ADGRL3: variants seen among roughly 807,000 people sequenced by gnomAD.
ADGRL3 encodes calcium-independent alpha-latrotoxin receptor 3.
Under a neutral mutation model 153.5 loss-of-function variants are expected in ADGRL3, and 62 were observed. The observed-to-expected ratio is 0.40, with a 90% CI of 0.33 to 0.50. ADGRL3 has a LOEUF of 0.50. ADGRL3 is among the 20% of genes least tolerant of loss of function. The pLI, the probability that ADGRL3 is intolerant of heterozygous loss-of-function variation, is 0.47. For synonymous variants in ADGRL3, 710 were observed against 672.5 expected (o/e 1.06, Z -0.86); for missense variants, 1,641 against 1,859.4 (o/e 0.88, Z 2.16).
intron 11 of ADGRL3, among the ~76,000 whole-genome samples, chr4:61,898,844 T>G (rs1157875588): frequency 1.3e-5 from 2 of 152,114 alleles, no homozygotes; most frequent in Non-Finnish European, 2.9e-5. Flanking sequence ...CTCAAACTCC[T>G]GAGCTCAGGC....
intron 1 of ADGRL3, among the ~76,000 whole-genome samples, chr4:61,229,644 A>T (rs1177508215): frequency 6.6e-6 from 1 of 152,142 alleles, no homozygotes; most frequent in Non-Finnish European, 1.5e-5. Context: ...TAGGCTGGGC[A>T]TGGTGGCTTA....
In ADGRL3 at chr4:61,695,844, C is replaced by T. The variant is rs548814538; in HGVS notation, c.583+18909C>T. On this transcript the variant is annotated intron_variant, in intron 6 of 26. Coordinates refer to ENST00000683033, the MANE Select transcript of ADGRL3 (RefSeq NM_001387552.1). ...ATCTCTGAATAACTTGCTGCAGCCT[C>T]TCCATCAGAATTTGCTGCTTCATTT... Among the ~76,000 whole-genome samples the T allele has an allele frequency of 2.6e-5, 4 of 152,264 alleles. No homozygotes were observed. The South Asian group carries it at 8.3e-4, about 32-fold the overall frequency.
chr4:61,243,249 A>T (rs961209988), intron 1 of ADGRL3, among the ~76,000 whole-genome samples: 6 of 152,206 alleles, frequency 3.9e-5, no homozygotes, highest in Admixed American at 1.3e-4. Flanking sequence ...TATTAATAGT[A>T]GATCTCAGTT....
rs144692519 is a variant in ADGRL3 at position 61,622,993 on chromosome 4, G to A, written c.473+35553G>A. Among the ~76,000 whole-genome samples the A allele has an allele frequency of 1.9e-3, 296 of 152,036 alleles. 2 individuals are homozygous for A. Among genetic ancestry groups the A allele is most frequent in the African/African-American group, 6.6e-3 (275 of 41,478 alleles). ...TTTTTTTATTTCAGAGGGAAACAAC[G>A]TTCAAAAAATTAATGTTCTAGAGGT... is the stretch of plus-strand genomic sequence containing the variant. On this transcript the variant is annotated intron_variant, in intron 5 of 26. Coordinates refer to ENST00000683033, the MANE Select transcript of ADGRL3 (RefSeq NM_001387552.1).
chr4:62,025,165 A>AATC (rs1477779138), intron 21 of ADGRL3, among the ~76,000 whole-genome samples: 19 of 152,266 alleles, frequency 1.2e-4, no homozygotes, highest in African/African-American at 4.3e-4. Context: ...TCTGCTCACT[A>AATC]ATCTAGCTAT....
chr4:61,291,164 G>T (rs2094164163), intron 1 of ADGRL3, among the ~76,000 whole-genome samples: 2 of 132,090 alleles, frequency 1.5e-5, no homozygotes, highest in South Asian at 5.0e-4. Context: ...CTAAGATTTT[G>T]CCTGGATCAA....
intron 9 of ADGRL3, among the ~76,000 whole-genome samples, chr4:61,838,527 G>A (rs546534016): frequency 3.3e-5 from 5 of 152,170 alleles, no homozygotes; most frequent in Admixed American, 1.3e-4. Flanking sequence ...TTCATGTGAG[G>A]TAAATTAAAA....
intron 2 of ADGRL3, among the ~76,000 whole-genome samples, chr4:61,434,331 T>A (rs933438299): frequency 2.6e-5 from 4 of 152,082 alleles, no homozygotes; most frequent in Admixed American, 2.0e-4. Flanking sequence ...GAGGTAAGTT[T>A]AAATGACCCT....
chr4:61,980,445 T>G (rs1263783420), intron 18 of ADGRL3, among the ~76,000 whole-genome samples: 8 of 151,880 alleles, frequency 5.3e-5, no homozygotes, highest in Non-Finnish European at 1.2e-4. Context: ...TGTTTTTCTT[T>G]CTTTTCTTTT....
At chr4:61,375,681 T>C (rs1050847126) in intron 1 of ADGRL3, among the ~76,000 whole-genome samples, 1 of 152,134 alleles carries the variant, frequency 6.6e-6, no homozygotes, top group African/African-American at 2.4e-5. Context: ...AAACGGTAAA[T>C]ATCTCTAAGA....
At chr4:61,203,206 T>A (rs1362342838) in intron 1 of ADGRL3, among the ~76,000 whole-genome samples, 1 of 152,148 alleles carries the variant, frequency 6.6e-6, no homozygotes, top group Non-Finnish European at 1.5e-5. Context: ...CTTTCCTACC[T>A]CTGATAGAAA....
chr4:61,583,803 T>A (rs773000428), intron 4 of ADGRL3: 5 of 510,424 alleles, frequency 9.8e-6, no homozygotes, highest in African/African-American at 1.9e-5. Context: ...TAGATGACAC[T>A]GTGTTCTTTG....
At chr4:61,413,172 T>C (rs1478733382) in intron 2 of ADGRL3, among the ~76,000 whole-genome samples, 1 of 152,148 alleles carries the variant, frequency 6.6e-6, no homozygotes, top group African/African-American at 2.4e-5. Context: ...TTTATTATTG[T>C]TGGATGTGCT....
chr4:62,017,447 T>C (rs1430785069), intron 21 of ADGRL3, among the ~76,000 whole-genome samples: 1 of 151,764 alleles, frequency 6.6e-6, no homozygotes, highest in Non-Finnish European at 1.5e-5. Flanking sequence ...GGAGTTTTTT[T>C]TTTTTAGACT....
intron 1 of ADGRL3, among the ~76,000 whole-genome samples, chr4:61,375,359 A>AT (rs528143566): frequency 7.9e-4 from 120 of 152,222 alleles, no homozygotes; most frequent in Admixed American, 3.3e-3. Flanking sequence ...AAAGAAAAGG[A>AT]TTTTTTCTTA....
intron 1 of ADGRL3, among the ~76,000 whole-genome samples, chr4:61,365,407 C>G (rs1449525862): frequency 6.6e-6 from 1 of 152,202 alleles, no homozygotes; most frequent in Non-Finnish European, 1.5e-5. Flanking sequence ...CTAACAGAGG[C>G]TCTTGATGTT....
At chr4:61,674,510 C>T (rs1215799976) in intron 5 of ADGRL3, among the ~76,000 whole-genome samples, 1 of 151,234 alleles carries the variant, frequency 6.6e-6, no homozygotes, top group East Asian at 1.9e-4. Context: ...GACTATAGAC[C>T]AAGATAGGAA....
At chr4:61,505,809 C>T (rs2098424294) in intron 3 of ADGRL3, among the ~76,000 whole-genome samples, 2 of 129,604 alleles carry the variant, frequency 1.5e-5, no homozygotes, top group Admixed American at 1.6e-4. Flanking sequence ...TCTGGACTCA[C>T]ATCACATCTT....
At chr4:61,986,000 T>C (rs1248455739) in intron 19 of ADGRL3, among the ~76,000 whole-genome samples, 10 of 151,472 alleles carry the variant, frequency 6.6e-5, no homozygotes, top group Admixed American at 6.6e-4. Context: ...TGTTTTTTTT[T>C]TTAAATAACA....
Sources: gnomAD v4.1 joint callset for allele counts (sites outside exome capture counted in the v4.1 genomes callset) on GRCh38, gnomAD v4.1.1 for gene constraint, MANE v1.5 for transcripts, NCBI Gene and HGNC (gene_info 2026-07-23, HGNC 2026-07-21) for gene names.